The following THRB variants were observed in gnomAD, a reference collection of about 807,000 sequenced individuals.
THRB encodes thyroid hormone receptor beta, also known as nuclear receptor subfamily 1 group A member 2.
In THRB, 12 loss-of-function variants were observed where a neutral mutation model predicts 47.8. The observed-to-expected ratio is 0.25, with a 90% CI of 0.16 to 0.41. The LOEUF (loss-of-function observed/expected upper bound fraction) is 0.41, where lower values mean the gene tolerates loss of function less well. Ranked by LOEUF, THRB falls within the 10% of genes least tolerant of loss-of-function variation. The probability of loss-of-function intolerance (pLI) is 1.00; values close to 1 mark genes in which losing one functional copy is unlikely to be tolerated. For synonymous variants in THRB, 218 were observed against 212.2 expected (o/e 1.03, Z -0.24); for missense variants, 348 against 589.2 (o/e 0.59, Z 4.24).
chr3:24,291,058 T>C (rs2150974186), intron 3 of THRB, among the ~76,000 whole-genome samples: 1 of 152,296 alleles, frequency 6.6e-6, no homozygotes, highest in East Asian at 1.9e-4. Context: ...TGCCCTCCCA[T>C]TTTCCTTAAT....
intron 1 of THRB, among the ~76,000 whole-genome samples, chr3:24,357,481 A>T (rs1560011429): frequency 6.6e-6 from 1 of 151,960 alleles, no homozygotes; most frequent in African/African-American, 2.4e-5. Context: ...GCATATCATG[A>T]AAAATGAGTC....
At chr3:24,432,305 T>G (rs961017705) in intron 1 of THRB, among the ~76,000 whole-genome samples, 2 of 152,144 alleles carry the variant, frequency 1.3e-5, no homozygotes, top group Non-Finnish European at 2.9e-5. Context: ...AGAAATATTT[T>G]GCTTCTTTCT....
chr3:24,373,298 C>T (rs6550860), intron 1 of THRB, among the ~76,000 whole-genome samples: 2,742 of 152,218 alleles, frequency 0.018, 73 homozygotes, highest in African/African-American at 0.059. Context: ...TGTGCAAACA[C>T]ACTGAAAATA....
rs1293355112 is a variant in THRB at position 24,118,761 on chromosome 3, T to C, written c.*4123A>G. The C allele has an allele frequency of 6.6e-6, 1 of 152,644 alleles. No individual in the cohort carries two copies. Among genetic ancestry groups the C allele is most frequent in the Admixed American group, 6.5e-5 (1 of 15,278 alleles). The allele number at this position is 152,644 out of a possible 1,614,324, so 9.5% of individuals were successfully genotyped here. On this transcript the variant is annotated 3_prime_UTR_variant, in exon 11 of 11. Transcript: ENST00000646209. Reference sequence around the variant, plus strand: ...TTATCTGCATCCTGAGGAGGACAGATTTATATTTGATTGTCTTGTGCATAG... The same window carrying C: ...TTATCTGCATCCTGAGGAGGACAGACTTATATTTGATTGTCTTGTGCATAG...
At chr3:24,377,362 T>G (rs1370608586) in intron 1 of THRB, among the ~76,000 whole-genome samples, 3 of 152,134 alleles carry the variant, frequency 2.0e-5, no homozygotes, top group Admixed American at 1.3e-4. Flanking sequence ...GAGGGGCACA[T>G]GACCCAAGTT....
intron 2 of THRB, among the ~76,000 whole-genome samples, chr3:24,309,003 T>C (rs1402495403): frequency 1.3e-5 from 2 of 152,122 alleles, no homozygotes; most frequent in Non-Finnish European, 2.9e-5. Flanking sequence ...TGGTGCTCCC[T>C]TTGTCTGGAA....
chr3:24,158,866 C>G (rs1458877029), intron 5 of THRB, among the ~76,000 whole-genome samples: 1 of 151,980 alleles, frequency 6.6e-6, no homozygotes, highest in Non-Finnish European at 1.5e-5. Flanking sequence ...CTCTCTCTCT[C>G]TCTCTCGCAT....
rs144550289 is a variant in THRB, at chr3:24,366,341, T to C, written c.-260-28970A>G. Among the ~76,000 whole-genome samples, 349 of 152,280 alleles carry C rather than the reference T, an allele frequency of 2.3e-3. 2 individuals are homozygous for C. Among genetic ancestry groups the C allele is most frequent in the African/African-American group, 7.7e-3 (319 of 41,584 alleles). The stretch of plus-strand genomic sequence containing the variant: ...TCTTAGACTAGAAAGGGGTGAATCC[T>C]AGCCAGAAGTCCTCTTCTACTTCAT... On this transcript the variant is annotated intron_variant, in intron 1 of 10. Coordinates refer to ENST00000646209, the MANE Select transcript of THRB (RefSeq NM_001354712.2).
chr3:24,161,152 A>G (rs2038748181), intron 5 of THRB, among the ~76,000 whole-genome samples: 1 of 152,236 alleles, frequency 6.6e-6, no homozygotes, highest in African/African-American at 2.4e-5. Context: ...CCTTTTGTAC[A>G]GTGAATATGT....
intron 1 of THRB, among the ~76,000 whole-genome samples, chr3:24,389,684 TC>T (rs566953915): frequency 7.5e-4 from 113 of 151,490 alleles, no homozygotes; most frequent in Non-Finnish European, 1.3e-3. Flanking sequence ...CTATCTCAAT[TC>T]CCCCCCTTTT....
chr3:24,421,169 G>C (rs2069224915), intron 1 of THRB, among the ~76,000 whole-genome samples: 1 of 151,856 alleles, frequency 6.6e-6, no homozygotes, highest in Admixed American at 6.6e-5. Context: ...GACACATAGA[G>C]GGGAACAATA....
In THRB at chr3:24,281,957, G is replaced by A. The variant is rs574779916; in HGVS notation, c.-43+15269C>T. 4.6e-3 allele frequency among the ~76,000 whole-genome samples: 671 copies of A among 147,132 alleles called. 9 individuals carry two copies. The highest frequency in any genetic ancestry group is 0.015 in the African/African-American group (595 of 38,980). ...AAGCAAGTCCTGAGTGACCTACAAAGAGAGTTAGACTCCCACACATTAATA... is the reference window on the plus strand; with the variant it reads ...AAGCAAGTCCTGAGTGACCTACAAAAAGAGTTAGACTCCCACACATTAATA... On this transcript the variant is annotated intron_variant, in intron 3 of 10. Coordinates refer to ENST00000646209, the MANE Select transcript of THRB (RefSeq NM_001354712.2).
chr3:24,407,667 T>C (rs1227073343), intron 1 of THRB, among the ~76,000 whole-genome samples: 1 of 151,868 alleles, frequency 6.6e-6, no homozygotes, highest in Non-Finnish European at 1.5e-5. Context: ...AACTGTTGCG[T>C]TGGATAATCT....
intron 2 of THRB, among the ~76,000 whole-genome samples, chr3:24,301,079 C>G (rs1225260366): frequency 1.3e-5 from 2 of 152,114 alleles, no homozygotes; most frequent in African/African-American, 4.8e-5. Context: ...GAGGCAGAGA[C>G]TGGAATTACA....
chr3:24,490,829 A>T (rs1364644249), intron 1 of THRB, among the ~76,000 whole-genome samples: 1 of 152,170 alleles, frequency 6.6e-6, no homozygotes, highest in Non-Finnish European at 1.5e-5. Flanking sequence ...ATTCATCACC[A>T]GAATCTCCAC....
At chr3:24,394,252 A>G (rs955261520) in intron 1 of THRB, among the ~76,000 whole-genome samples, 5 of 152,140 alleles carry the variant, frequency 3.3e-5, no homozygotes, top group African/African-American at 1.2e-4. Flanking sequence ...CTCTTAGAGT[A>G]TATATTAATG....
chr3:24,383,591 T>A (rs2065867251), intron 1 of THRB, among the ~76,000 whole-genome samples: 1 of 152,176 alleles, frequency 6.6e-6, no homozygotes, highest in South Asian at 2.1e-4. Flanking sequence ...ATTAGTAGTA[T>A]CTTCATATCC....
In THRB at chr3:24,220,933, C is replaced by A. The variant is rs189004746; in HGVS notation, c.22+8005G>T. ...CGGCCCTGGGCAAGACACTTCACCA[C>A]ATTGGCTTCAGCCTGCTAATGTGTG... On this transcript the variant is annotated intron_variant, in intron 4 of 10. Transcript: ENST00000646209. 1.1e-4 allele frequency among the ~76,000 whole-genome samples: 16 copies of A among 152,322 alleles called. No homozygotes were observed. The East Asian group carries it at 3.1e-3, about 29-fold the overall frequency.
chr3:24,296,683 C>T (rs532613534), intron 3 of THRB, among the ~76,000 whole-genome samples: 1 of 152,092 alleles, frequency 6.6e-6, no homozygotes, highest in Non-Finnish European at 1.5e-5. Context: ...TCTGGTGAGC[C>T]GGGAGAGCAT....
Sources: allele counts gnomAD v4.1 joint callset (sites outside exome capture counted in the v4.1 genomes callset), GRCh38; gene constraint gnomAD v4.1.1; transcripts MANE v1.5; gene names NCBI Gene and HGNC (gene_info 2026-07-23, HGNC 2026-07-21).